The following BTBD9 variants were observed in gnomAD, a reference collection of about 807,000 sequenced individuals.
The protein encoded by BTBD9 is BTB/POZ domain-containing protein 9.
In BTBD9, 49 loss-of-function variants were observed where a neutral mutation model predicts 64.3. That is an observed-to-expected ratio of 0.76 (90% CI 0.61 to 0.97). The LOEUF (loss-of-function observed/expected upper bound fraction) is 0.97, where lower values mean the gene tolerates loss of function less well. Ranked by LOEUF, BTBD9 falls within the 50% of genes least tolerant of loss-of-function variation. The pLI is 0.00. For synonymous variants in BTBD9, 260 were observed against 274.7 expected (o/e 0.95, Z 0.53); for missense variants, 598 against 762.1 (o/e 0.78, Z 2.53).
At chr6:38,368,318 A>T (rs1268057019) in intron 6 of BTBD9, among the ~76,000 whole-genome samples, 1 of 152,126 alleles carries the variant, frequency 6.6e-6, no homozygotes, top group Non-Finnish European at 1.5e-5. Flanking sequence ...CATGCGCTAT[A>T]CTAGAGCTCC....
chr6:38,578,063 T>C (rs1039418479), intron 5 of BTBD9, among the ~76,000 whole-genome samples: 2 of 152,226 alleles, frequency 1.3e-5, no homozygotes, highest in Non-Finnish European at 1.5e-5. Context: ...GTCTCACCTA[T>C]ACCATATTAG....
intron 6 of BTBD9, among the ~76,000 whole-genome samples, chr6:38,352,225 A>G (rs2127593417): frequency 6.6e-6 from 1 of 152,170 alleles, no homozygotes. Context: ...AAAAATTTAG[A>G]AACTAGCCAG....
chr6:38,340,056 A>G (rs1188613975), intron 7 of BTBD9, among the ~76,000 whole-genome samples: 2 of 152,242 alleles, frequency 1.3e-5, no homozygotes, highest in African/African-American at 4.8e-5. Context: ...GATTTTACCT[A>G]TGAGGAAAAA....
chr6:38,176,834 C>T (rs866235870), intron 10 of BTBD9, among the ~76,000 whole-genome samples: 4 of 152,206 alleles, frequency 2.6e-5, no homozygotes, highest in African/African-American at 9.7e-5. Flanking sequence ...GCATGTCGGC[C>T]ACTCATGGGT....
intron 7 of BTBD9, among the ~76,000 whole-genome samples, chr6:38,289,292 T>C (rs1369269798): frequency 6.6e-6 from 1 of 152,146 alleles, no homozygotes; most frequent in Non-Finnish European, 1.5e-5. Context: ...GAGGATTGCT[T>C]GGGCCTGGGA....
At chr6:38,536,595 G>A (rs766215245) in intron 6 of BTBD9, among the ~76,000 whole-genome samples, 1 of 152,098 alleles carries the variant, frequency 6.6e-6, no homozygotes, top group Non-Finnish European at 1.5e-5. Context: ...ATCAACTGAC[G>A]AATGGATAAA....
intron 9 of BTBD9, chr6:38,207,320 G>A: frequency 4.1e-6 from 1 of 241,364 alleles, no homozygotes; most frequent in Non-Finnish European, 8.9e-6. Context: ...GAGTTGATAT[G>A]AGTTCTAAAA....
intron 6 of BTBD9, among the ~76,000 whole-genome samples, chr6:38,465,707 T>TTATATATATA (rs1157324453): frequency 1.1e-3 from 53 of 46,762 alleles, no homozygotes; most frequent in Non-Finnish European, 1.5e-3. Context: ...AATAAATAAA[T>TTATATATATA]TATATATATA....
chr6:38,554,506 T>C (rs989788873), intron 6 of BTBD9, among the ~76,000 whole-genome samples: 6 of 152,272 alleles, frequency 3.9e-5, no homozygotes, highest in African/African-American at 1.4e-4. Flanking sequence ...TCATAATGAA[T>C]GAGCTCTATT....
intron 6 of BTBD9, among the ~76,000 whole-genome samples, chr6:38,487,564 A>G (rs1037063042): frequency 2.7e-5 from 4 of 147,720 alleles, no homozygotes; most frequent in African/African-American, 1.0e-4. Context: ...CCTGGGTGAC[A>G]GAGCGAGAGA....
chr6:38,458,797 G>C (rs1333854456), intron 6 of BTBD9, among the ~76,000 whole-genome samples: 1 of 152,056 alleles, frequency 6.6e-6, no homozygotes, highest in Non-Finnish European at 1.5e-5. Flanking sequence ...ATGAATAATG[G>C]TAAATTGAAG....
chr6:38,610,000 C>T (rs1195480430), intron 1 of BTBD9, among the ~76,000 whole-genome samples: 5 of 152,130 alleles, frequency 3.3e-5, no homozygotes, highest in African/African-American at 1.2e-4. Context: ...TATACTGACA[C>T]AAGAAGAGAA....
Position 38,384,122 on chromosome 6 carries a change from T to G in BTBD9, c.1155-39029A>C, listed in dbSNP as rs547135181. Among the ~76,000 whole-genome samples, 3 of 152,280 alleles carry G rather than the reference T, an allele frequency of 2.0e-5. No homozygotes were observed. In the South Asian group the frequency reaches 6.2e-4, roughly 32 times the overall value. ...GATTCTGACTCAGTTGCAAGCTGAGTGCAAAATTGGAGTATATTCTACCCT... is the reference window on the plus strand; with the variant it reads ...GATTCTGACTCAGTTGCAAGCTGAGGGCAAAATTGGAGTATATTCTACCCT... On this transcript the variant is annotated intron_variant, in intron 6 of 10. Transcript: ENST00000481247.
At chr6:38,270,094 T>G (rs1765148874) in intron 8 of BTBD9, among the ~76,000 whole-genome samples, 1 of 152,222 alleles carries the variant, frequency 6.6e-6, no homozygotes. Context: ...CGACATTGAC[T>G]CAAGCACAGC....
chr6:38,245,990 A>C (rs978229026), intron 9 of BTBD9, among the ~76,000 whole-genome samples: 6 of 152,188 alleles, frequency 3.9e-5, no homozygotes, highest in African/African-American at 1.2e-4. Flanking sequence ...AGAAGGAAAT[A>C]GGAGCTCTCA....
intron 6 of BTBD9, among the ~76,000 whole-genome samples, chr6:38,351,862 A>G (rs930367447): frequency 6.6e-6 from 1 of 152,206 alleles, no homozygotes; most frequent in Non-Finnish European, 1.5e-5. Context: ...TTCACCAAAT[A>G]TGCACAATCT....
intron 6 of BTBD9, among the ~76,000 whole-genome samples, chr6:38,458,268 C>A (rs1485716382): frequency 1.3e-5 from 2 of 152,168 alleles, no homozygotes; most frequent in Non-Finnish European, 1.5e-5. Flanking sequence ...AAAATGAGTT[C>A]TTTCATTAGA....
chr6:38,192,392 C>T, intron 10 of BTBD9, 127 bp downstream of exon 10: 3 of 811,580 alleles, frequency 3.7e-6, no homozygotes, highest in Middle Eastern at 2.3e-4. Context: ...AGGACTTTCT[C>T]CACACCAAGC....
In BTBD9 at chr6:38,583,704, A is replaced by T. The variant is rs186792548; in HGVS notation, c.815-3267T>A. ...GAAATGAAATTTCTACCACAAGTCT[A>T]AGTCTTCTTTTGAAGTTTATTTCAA... On this transcript the variant is annotated intron_variant, in intron 4 of 10. Coordinates refer to ENST00000481247, the MANE Select transcript of BTBD9 (RefSeq NM_001099272.2). 1.1e-3 allele frequency among the ~76,000 whole-genome samples: 161 copies of T among 152,324 alleles called. 2 individuals carry two copies. Among genetic ancestry groups the T allele is most frequent in the African/African-American group, 3.8e-3 (160 of 41,576 alleles).
Sources: allele counts gnomAD v4.1 joint callset (sites outside exome capture counted in the v4.1 genomes callset), GRCh38; gene constraint gnomAD v4.1.1; transcripts MANE v1.5; gene names NCBI Gene and HGNC (gene_info 2026-07-23, HGNC 2026-07-21).